Variants in IMMP2L observed in about 807,000 individuals in gnomAD.
IMMP2L encodes mitochondrial inner membrane protease subunit 2.
IMMP2L carries 18 observed loss-of-function variants against 19.3 expected under a neutral mutation model. That is an observed-to-expected ratio of 0.93 (90% CI 0.64 to 1.38). IMMP2L has a LOEUF of 1.38. Among genes scored for constraint, IMMP2L ranks in the 40% most tolerant of loss-of-function variants. The pLI is 0.00. For synonymous variants in IMMP2L, 76 were observed against 73.0 expected (o/e 1.04, Z -0.21); for missense variants, 233 against 218.2 (o/e 1.07, Z -0.43).
At chr7:111,207,534 G>GTTTTTTTTTTTTTTTTTTTT (rs376864629) in intron 3 of IMMP2L, among the ~76,000 whole-genome samples, 2 of 90,098 alleles carry the variant, frequency 2.2e-5, no homozygotes, top group Admixed American at 1.5e-4. Flanking sequence ...TTTATTTTTG[G>GTTTTTTTTTTTTTTTTTTTT]TTTTTTTTTT....
intron 4 of IMMP2L, among the ~76,000 whole-genome samples, chr7:110,937,580 G>T (rs570497594): frequency 6.6e-6 from 1 of 152,150 alleles, no homozygotes; most frequent in Non-Finnish European, 1.5e-5. Context: ...TATATTTCAT[G>T]ATTTTTGAGT....
intron 3 of IMMP2L, among the ~76,000 whole-genome samples, chr7:111,145,062 G>T (rs1417674653): frequency 1.3e-5 from 2 of 152,206 alleles, no homozygotes; most frequent in African/African-American, 4.8e-5. Context: ...CATATGTTGT[G>T]TAGAGTTTGG....
chr7:110,887,198 T>A (rs1481765723), intron 4 of IMMP2L, among the ~76,000 whole-genome samples: 1 of 152,128 alleles, frequency 6.6e-6, no homozygotes, highest in Non-Finnish European at 1.5e-5. Flanking sequence ...GGAAAGAACA[T>A]AATCTGAATA....
intron 3 of IMMP2L, among the ~76,000 whole-genome samples, chr7:111,308,146 A>AGCCC (rs1823086771): frequency 6.6e-6 from 1 of 151,966 alleles, no homozygotes; most frequent in Non-Finnish European, 1.5e-5. Flanking sequence ...CATAGAGAAA[A>AGCCC]AAATCCCAGG....
At chr7:111,347,038 G>A (rs892913949) in intron 3 of IMMP2L, among the ~76,000 whole-genome samples, 25 of 151,980 alleles carry the variant, frequency 1.6e-4, no homozygotes, top group African/African-American at 5.8e-4. Flanking sequence ...TTGATAAGGA[G>A]AAGAAGGAAA....
chr7:111,509,476 T>C (rs943463441), intron 2 of IMMP2L, among the ~76,000 whole-genome samples: 2 of 152,150 alleles, frequency 1.3e-5, no homozygotes, highest in Non-Finnish European at 2.9e-5. Flanking sequence ...ATTTGAGCTG[T>C]CTCACCCTTG....
chr7:110,700,165 C>G (rs1013218186), intron 5 of IMMP2L, among the ~76,000 whole-genome samples: 1 of 152,144 alleles, frequency 6.6e-6, no homozygotes, highest in Admixed American at 6.5e-5. Flanking sequence ...ATAGTAAATA[C>G]GGCTCGTTTC....
intron 3 of IMMP2L, among the ~76,000 whole-genome samples, chr7:111,095,671 A>C (rs142277180): frequency 1.1e-3 from 164 of 152,136 alleles, no homozygotes; most frequent in Non-Finnish European, 1.8e-3. Context: ...TCACCTACAG[A>C]GACTCAGCTA....
At chr7:111,350,927 T>C (rs1757414750) in intron 3 of IMMP2L, among the ~76,000 whole-genome samples, 1 of 152,172 alleles carries the variant, frequency 6.6e-6, no homozygotes, top group Admixed American at 6.5e-5. Flanking sequence ...GACTATGCAT[T>C]TTCAATCATT....
intron 5 of IMMP2L, among the ~76,000 whole-genome samples, chr7:110,751,524 A>C (rs1454038709): frequency 1.3e-5 from 2 of 152,040 alleles, no homozygotes; most frequent in Admixed American, 1.3e-4. Context: ...AGAGAAAAAA[A>C]GAATAACCTT....
intron 2 of IMMP2L, among the ~76,000 whole-genome samples, chr7:111,518,582 G>C (rs555931854): frequency 4.6e-5 from 7 of 152,194 alleles, no homozygotes; most frequent in Non-Finnish European, 5.9e-5. Flanking sequence ...TATCCCAATT[G>C]TCAAAAATTC....
Position 110,918,460 on chromosome 7 carries a change from T to C in IMMP2L, c.306-31765A>G, listed in dbSNP as rs28570414. On this transcript the variant is annotated intron_variant, in intron 4 of 5. Coordinates refer to ENST00000405709, the MANE Select transcript of IMMP2L (RefSeq NM_032549.4). ...ATTTCTTTTCTTTTTTTCTTTTTTTTTTTTTTTTTGTTGAAATGGAGTTTC... is the reference window on the plus strand; with the variant it reads ...ATTTCTTTTCTTTTTTTCTTTTTTTCTTTTTTTTTGTTGAAATGGAGTTTC... 9.6e-3 allele frequency among the ~76,000 whole-genome samples: 1,446 copies of C among 150,654 alleles called. 24 individuals carry two copies. The highest frequency in any genetic ancestry group is 0.033 in the African/African-American group (1,336 of 41,088).
At chr7:111,302,628 T>A (rs1822393125) in intron 3 of IMMP2L, among the ~76,000 whole-genome samples, 1 of 151,854 alleles carries the variant, frequency 6.6e-6, no homozygotes, top group Non-Finnish European at 1.5e-5. Context: ...AATAACCAAA[T>A]CAAGGTTACA....
chr7:111,103,179 A>G (rs1368483712), intron 3 of IMMP2L, among the ~76,000 whole-genome samples: 1 of 151,676 alleles, frequency 6.6e-6, no homozygotes, highest in Non-Finnish European at 1.5e-5. Context: ...ATCTCAAGAA[A>G]TAACAACTGC....
intron 3 of IMMP2L, among the ~76,000 whole-genome samples, chr7:111,355,600 T>TA (rs773237425): frequency 1.1e-4 from 17 of 151,484 alleles, no homozygotes; most frequent in Admixed American, 2.0e-4. Flanking sequence ...AGAAAAACAA[T>TA]AAAAAAACAG....
intron 3 of IMMP2L, among the ~76,000 whole-genome samples, chr7:111,439,231 T>C (rs1837483232): frequency 6.6e-6 from 1 of 151,864 alleles, no homozygotes; most frequent in Non-Finnish European, 1.5e-5. Flanking sequence ...TTCTCAGAAA[T>C]GGCTCTTTCC....
At chr7:111,088,751 C>T (rs923374656) in intron 3 of IMMP2L, among the ~76,000 whole-genome samples, 8 of 152,034 alleles carry the variant, frequency 5.3e-5, no homozygotes, top group Non-Finnish European at 1.0e-4. Context: ...AGATGTGATA[C>T]CAAAATAATT....
chr7:110,969,721 T>C (rs1028912839), intron 3 of IMMP2L, among the ~76,000 whole-genome samples: 3 of 152,040 alleles, frequency 2.0e-5, no homozygotes, highest in African/African-American at 7.2e-5. Context: ...CAGTCTCATT[T>C]TGTGGGGTGG....
At chr7:111,172,526 T>A (rs531365880) in intron 3 of IMMP2L, among the ~76,000 whole-genome samples, 1 of 151,702 alleles carries the variant, frequency 6.6e-6, no homozygotes, top group South Asian at 2.1e-4. Flanking sequence ...CTAGCTATTT[T>A]AAAATATATA....
Sources: allele counts gnomAD v4.1 joint callset (sites outside exome capture counted in the v4.1 genomes callset), GRCh38; gene constraint gnomAD v4.1.1; transcripts MANE v1.5; gene names NCBI Gene and HGNC (gene_info 2026-07-23, HGNC 2026-07-21).